CSNK1A1: variants seen among roughly 807,000 people sequenced by gnomAD.
CSNK1A1 encodes casein kinase I isoform alpha.
Under a neutral mutation model 46.1 loss-of-function variants are expected in CSNK1A1, and 7 were observed. The ratio of observed to expected loss-of-function variants is 0.15; its 90% CI spans 0.09 to 0.29. CSNK1A1 has a LOEUF of 0.29. CSNK1A1 is among the 10% of genes least tolerant of loss of function. The pLI is 1.00. For missense variants in CSNK1A1, 96 were observed against 417.1 expected (o/e 0.23, Z 6.71); for synonymous variants, 137 against 141.5 (o/e 0.97, Z 0.23).
chr5:149,529,711 C>A, intron 2 of CSNK1A1: 1 of 456,214 alleles, frequency 2.2e-6, no homozygotes. Flanking sequence ...GGCTTATGAG[C>A]TTTACATGCT....
rs1761695448 is a variant in CSNK1A1, at chr5:149,525,363, T to TC, written c.231-193dup. On this transcript the variant is annotated intron_variant, in intron 2 of 9. Coordinates refer to ENST00000377843, the MANE Select transcript of CSNK1A1 (RefSeq NM_001892.6). This position sits in a 1 kb window ranked among gnomAD's most constrained non-coding sequence, Gnocchi z 4.2. The stretch of plus-strand genomic sequence containing the variant: ...ACAAGGGTAATGAGACTTTTTTTTT[T>TC]CCCTGTCATGCAACTCCATTCTCCT... Among the ~76,000 whole-genome samples, 2 of 152,088 alleles carry TC rather than the reference T, an allele frequency of 1.3e-5. No homozygotes were observed. Among genetic ancestry groups the TC allele is most frequent in the South Asian group, 4.2e-4 (2 of 4,816 alleles).
chr5:149,493,995 T>C lies in CSNK1A1; in HGVS notation c.*2858A>G, dbSNP rs1004483180. The C allele has an allele frequency of 6.6e-6, 1 of 152,344 alleles. No individual in the cohort carries two copies. The highest frequency in any genetic ancestry group is 2.1e-4 in the South Asian group (1 of 4,828). The allele number at this position is 152,344 out of a possible 1,614,324, so 9.4% of individuals were successfully genotyped here. ...TGAATTTAACTGAGCTAAAAATGTCTAGGCCATCCCTTCTTAGAATTCCCA... is the reference window on the plus strand; with the variant it reads ...TGAATTTAACTGAGCTAAAAATGTCCAGGCCATCCCTTCTTAGAATTCCCA... On this transcript the variant is annotated 3_prime_UTR_variant, in exon 10 of 10. Transcript: ENST00000377843.
intron 2 of CSNK1A1, among the ~76,000 whole-genome samples, chr5:149,542,626 A>G (rs1281554690): frequency 5.9e-3 from 75 of 12,702 alleles, no homozygotes; most frequent in East Asian, 0.032. Flanking sequence ...ATATATATAT[A>G]TATATATATA....
In CSNK1A1 at chr5:149,493,783, G is replaced by A. The variant is rs1439689750; in HGVS notation, c.*3070C>T. 2.0e-5 allele frequency: 3 copies of A among 152,162 alleles called. No individual in the cohort carries two copies. The highest frequency in any genetic ancestry group is 7.2e-5 in the African/African-American group (3 of 41,430). 9.4% of individuals were successfully genotyped at this position (152,162 alleles called of 1,614,324 possible). A position where few individuals can be genotyped will look rare whatever the true frequency, so the allele number is the denominator to read the frequency against. The stretch of plus-strand genomic sequence containing the variant: ...GCAGCACACCCAGGACACACATATT[G>A]ATCTGCTGACACCACTTCTTTACTA... On this transcript the variant is annotated 3_prime_UTR_variant, in exon 10 of 10. Transcript: ENST00000377843.
chr5:149,546,197 C>T (rs10066339), intron 2 of CSNK1A1, among the ~76,000 whole-genome samples: 14,796 of 151,776 alleles, frequency 0.097, 850 homozygotes, highest in Middle Eastern at 0.14. Flanking sequence ...CCATGGCGCC[C>T]GGCTTATCCT....
chr5:149,509,427 A>G (rs1044328180), intron 7 of CSNK1A1, among the ~76,000 whole-genome samples: 1 of 151,550 alleles, frequency 6.6e-6, no homozygotes, highest in Non-Finnish European at 1.5e-5. Flanking sequence ...CCTAGGCTGG[A>G]GTGCAGTGGC....
intron 7 of CSNK1A1, among the ~76,000 whole-genome samples, chr5:149,509,100 T>C (rs1761130881): frequency 1.3e-5 from 2 of 148,596 alleles, no homozygotes; most frequent in Admixed American, 1.3e-4. Context: ...AATTTTTGCA[T>C]TTTTTGTAGC....
chr5:149,532,224 A>G (rs1761924224), intron 2 of CSNK1A1, among the ~76,000 whole-genome samples: 5 of 152,078 alleles, frequency 3.3e-5, no homozygotes, highest in Admixed American at 2.6e-4. Context: ...CAGGTCTAAT[A>G]AATGCTATAA....
At chr5:149,502,902 G>A (rs1420116289) in intron 9 of CSNK1A1, 10 of 580,466 alleles carry the variant, frequency 1.7e-5, no homozygotes, top group Non-Finnish European at 2.0e-5. Flanking sequence ...CCAAATAGCT[G>A]GGACCATAGG....
intron 8 of CSNK1A1, among the ~76,000 whole-genome samples, chr5:149,505,890 G>A (rs1195011715): frequency 2.6e-5 from 4 of 151,992 alleles, no homozygotes; most frequent in African/African-American, 9.7e-5. Context: ...TGGTACCTGG[G>A]GAAGACACTT....
At chr5:149,503,807 G>A in intron 9 of CSNK1A1, 1 of 985,340 alleles carries the variant, frequency 1.0e-6, no homozygotes, top group Non-Finnish European at 1.2e-6. Context: ...TCTGAAATCT[G>A]CTGAATGCCT....
intron 6 of CSNK1A1, among the ~76,000 whole-genome samples, chr5:149,510,293 A>G (rs373684332): frequency 3.9e-5 from 6 of 152,090 alleles, no homozygotes; most frequent in Admixed American, 3.3e-4. Flanking sequence ...GGGTCTCACT[A>G]TGTTGCCCAG....
In CSNK1A1 at chr5:149,496,792, TG is replaced by T; in HGVS notation, c.*60del. The T allele has an allele frequency of 6.5e-7, 1 of 1,542,538 alleles. No individual in the cohort carries two copies. Among genetic ancestry groups the T allele is most frequent in the Non-Finnish European group, 8.7e-7 (1 of 1,146,334 alleles). ...ACATATGAACTAAAATTTCTAGATT[TG>T]GGGAGAAACAAATGCTGCTCCGATC... On this transcript the variant is annotated 3_prime_UTR_variant, in exon 10 of 10. Transcript: ENST00000377843.
intron 9 of CSNK1A1, among the ~76,000 whole-genome samples, chr5:149,500,490 G>A (rs925528342): frequency 6.6e-6 from 1 of 151,410 alleles, no homozygotes; most frequent in African/African-American, 2.4e-5. Context: ...TGTCAGCCAG[G>A]ATGGTCTCAA....
chr5:149,542,644 ATATATATATATATATATATATATATATG>A (rs1561772571), intron 2 of CSNK1A1, among the ~76,000 whole-genome samples: 4 of 9,790 alleles, frequency 4.1e-4, no homozygotes, highest in African/African-American at 1.8e-3. Context: ...ATATATGTAT[ATATATATATATATATATATATATATATG>A]TATATATATA....
chr5:149,526,085 G>A (rs968803999), intron 2 of CSNK1A1, among the ~76,000 whole-genome samples: 1 of 151,998 alleles, frequency 6.6e-6, no homozygotes, highest in Non-Finnish European at 1.5e-5. Context: ...TATTCAAAAG[G>A]GGAGAACAGG....
In CSNK1A1 at chr5:149,495,823, T is replaced by C. The variant is rs955080084; in HGVS notation, c.*1030A>G. The C allele has an allele frequency of 6.6e-6, 1 of 152,274 alleles. No individual in the cohort carries two copies. Among genetic ancestry groups the C allele is most frequent in the Non-Finnish European group, 1.5e-5 (1 of 67,970 alleles). The allele number at this position is 152,274 out of a possible 1,614,324, so 9.4% of individuals were successfully genotyped here. On this transcript the variant is annotated 3_prime_UTR_variant, in exon 10 of 10. Coordinates refer to ENST00000377843, the MANE Select transcript of CSNK1A1 (RefSeq NM_001892.6). ...AAAAGAATTACTTTTTTCATTTTTC[T>C]TAAAAAAAGAGGAAAAGTTATAACA...
Position 149,550,380 on chromosome 5 carries a change from C to A in CSNK1A1, c.124-199G>T. 1 of 1,372,386 alleles carries A rather than the reference C, an allele frequency of 7.3e-7. No individual in the cohort carries two copies. The highest frequency in any genetic ancestry group is 1.7e-5 in the South Asian group (1 of 58,266). 85.0% of individuals were successfully genotyped at this position (1,372,386 alleles called of 1,614,324 possible). ...TCAGGGGGTAGTGACGAAATCCGTA[C>A]GTCCTCTAAAGTGCAGGAAAATGAT... On this transcript the variant is annotated intron_variant, in intron 1 of 9. Coordinates refer to ENST00000377843, the MANE Select transcript of CSNK1A1 (RefSeq NM_001892.6). The surrounding 1 kb of genome is among the most constrained non-coding windows in gnomAD (Gnocchi z 4.3).
chr5:149,507,652 C>T lies in CSNK1A1; in HGVS notation c.751-519G>A, dbSNP rs113263261. On this transcript the variant is annotated intron_variant, in intron 7 of 9. Transcript: ENST00000377843. ...AATTTTTTGTATTTTTTAGTAGAGA[C>T]AGGGTTTTGTCAGATTGCCAAGGAT... Among the ~76,000 whole-genome samples, 123 of 152,028 alleles carry T rather than the reference C, an allele frequency of 8.1e-4. 2 individuals carry two copies. Among genetic ancestry groups the T allele is most frequent in the African/African-American group, 2.7e-3 (113 of 41,478 alleles).
Sources: gnomAD v4.1 joint callset for allele counts (sites outside exome capture counted in the v4.1 genomes callset) on GRCh38, gnomAD v4.1.1 for gene constraint, Gnocchi (gnomAD v3.1) non-coding constraint, MANE v1.5 for transcripts, NCBI Gene and HGNC (gene_info 2026-07-23, HGNC 2026-07-21) for gene names.